Variants in B3GALT1 observed in about 807,000 individuals in gnomAD.
B3GALT1 encodes the protein UDP-Gal:betaGlcNAc beta 1,3-galactosyltransferase, polypeptide 1.
In B3GALT1, 10 loss-of-function variants were observed where a neutral mutation model predicts 23.2. The ratio of observed to expected loss-of-function variants is 0.43; its 90% CI spans 0.27 to 0.73. The LOEUF (loss-of-function observed/expected upper bound fraction) is 0.73. Among genes scored for constraint, B3GALT1 ranks in the 30% least tolerant of loss-of-function variants. The pLI is 0.21. For synonymous variants in B3GALT1, 156 were observed against 141.5 expected, an observed-to-expected ratio of 1.10 and a Z score of -0.73; for missense variants, 299 against 405.4, an observed-to-expected ratio of 0.74 and a Z score of 2.25.
chr2:167,433,006 A>G (rs943479299), intron 1 of B3GALT1, among the ~76,000 whole-genome samples: 1 of 152,220 alleles, frequency 6.6e-6, no homozygotes, highest in African/African-American at 2.4e-5. Flanking sequence ...GGACAAATGT[A>G]TAATGATATG....
intron 1 of B3GALT1, among the ~76,000 whole-genome samples, chr2:167,314,165 C>T (rs1696675220): frequency 6.6e-6 from 1 of 151,884 alleles, no homozygotes; most frequent in Non-Finnish European, 1.5e-5. Flanking sequence ...CTGCTTGGCA[C>T]AGGTTTCCAG....
At chr2:167,559,438 G>C (rs903038507) in intron 2 of B3GALT1, among the ~76,000 whole-genome samples, 1 of 152,222 alleles carries the variant, frequency 6.6e-6, no homozygotes, top group African/African-American at 2.4e-5. Context: ...CACCAGCAAC[G>C]AAACGAAGCT....
chr2:167,690,403 AAAT>A (rs1230372670), intron 3 of B3GALT1, among the ~76,000 whole-genome samples: 2 of 152,092 alleles, frequency 1.3e-5, no homozygotes, highest in Admixed American at 1.3e-4. Context: ...AACATTTAAC[AAAT>A]AATTTTTAAA....
At chr2:167,642,516 C>T (rs1685671306) in intron 2 of B3GALT1, among the ~76,000 whole-genome samples, 1 of 152,134 alleles carries the variant, frequency 6.6e-6, no homozygotes, top group Non-Finnish European at 1.5e-5. Flanking sequence ...TTGAGAGCTC[C>T]ATTCAAATCT....
chr2:167,316,432 C>T (rs548867939), intron 1 of B3GALT1, among the ~76,000 whole-genome samples: 1 of 152,130 alleles, frequency 6.6e-6, no homozygotes, highest in African/African-American at 2.4e-5. Flanking sequence ...GCCATCACAC[C>T]TGCTATCTAA....
intron 1 of B3GALT1, among the ~76,000 whole-genome samples, chr2:167,393,294 T>C (rs959069769): frequency 8.0e-5 from 12 of 150,132 alleles, no homozygotes; most frequent in African/African-American, 2.9e-4. Flanking sequence ...TTTTTAATTA[T>C]ATAGTCACGC....
chr2:167,699,445 A>T (rs985671668), intron 3 of B3GALT1, among the ~76,000 whole-genome samples: 20 of 144,548 alleles, frequency 1.4e-4, no homozygotes, highest in African/African-American at 4.7e-4. Flanking sequence ...TAACCACAAC[A>T]TTACATACTC....
At chr2:167,582,388 G>A (rs1477009869) in intron 2 of B3GALT1, among the ~76,000 whole-genome samples, 1 of 152,130 alleles carries the variant, frequency 6.6e-6, no homozygotes, top group African/African-American at 2.4e-5. Flanking sequence ...CACTGCAGTG[G>A]CATCATAAGT....
chr2:167,298,821 G>GA (rs1344675608), intron 1 of B3GALT1, among the ~76,000 whole-genome samples: 1 of 150,620 alleles, frequency 6.6e-6, no homozygotes, highest in Non-Finnish European at 1.5e-5. Context: ...TCTAGAATGA[G>GA]AAAAAAATGC....
chr2:167,512,593 T>TATATATATATAC (rs1558887802), intron 2 of B3GALT1, among the ~76,000 whole-genome samples: 2 of 81,526 alleles, frequency 2.5e-5, no homozygotes, highest in East Asian at 4.3e-4. Flanking sequence ...TATATATATG[T>TATATATATATAC]GTATATATAT....
chr2:167,680,964 A>G (rs1303305324), intron 3 of B3GALT1, among the ~76,000 whole-genome samples: 1 of 152,234 alleles, frequency 6.6e-6, no homozygotes, highest in Non-Finnish European at 1.5e-5. Context: ...CATTTAAAAA[A>G]TTCTAAAGCT....
At chr2:167,426,400 G>A (rs1397164260) in intron 1 of B3GALT1, among the ~76,000 whole-genome samples, 1 of 151,466 alleles carries the variant, frequency 6.6e-6, no homozygotes, top group Non-Finnish European at 1.5e-5. Context: ...TCTGCCTCGC[G>A]AGTAGCTGGG....
chr2:167,365,918 A>C (rs542867494), intron 1 of B3GALT1, among the ~76,000 whole-genome samples: 1 of 152,204 alleles, frequency 6.6e-6, no homozygotes, highest in Non-Finnish European at 1.5e-5. Context: ...AAGGAAACTG[A>C]ATCTCTGAAT....
intron 1 of B3GALT1, among the ~76,000 whole-genome samples, chr2:167,448,927 C>A (rs954950307): frequency 3.3e-5 from 5 of 152,106 alleles, no homozygotes; most frequent in Non-Finnish European, 7.4e-5. Context: ...GGCTTTATTT[C>A]TGGATTCCCT....
chr2:167,421,378 C>A (rs1698544665), intron 1 of B3GALT1, among the ~76,000 whole-genome samples: 1 of 152,066 alleles, frequency 6.6e-6, no homozygotes, highest in Admixed American at 6.6e-5. Flanking sequence ...TTCTGTATAC[C>A]TGAAGAAGAC....
At chr2:167,610,370 A>G (rs1574166259) in intron 2 of B3GALT1, among the ~76,000 whole-genome samples, 1 of 152,100 alleles carries the variant, frequency 6.6e-6, no homozygotes, top group African/African-American at 2.4e-5. Context: ...ATTGGAAAAC[A>G]TGTTCCTTGT....
At chr2:167,512,728 A>C (rs1048997632) in intron 2 of B3GALT1, among the ~76,000 whole-genome samples, 4 of 146,534 alleles carry the variant, frequency 2.7e-5, no homozygotes, top group African/African-American at 7.5e-5. Context: ...CCTACAGCTC[A>C]TGGGCTCAAA....
rs147335462 is a variant in B3GALT1, at chr2:167,344,258, T to G, written c.-511+50924T>G. On this transcript the variant is annotated intron_variant, in intron 1 of 4. Coordinates refer to ENST00000392690, the MANE Select transcript of B3GALT1 (RefSeq NM_020981.4). Reference sequence around the variant, plus strand: ...TTTCCATATCTTCAGAACAAACTTTTATCTACTCGCCCCCAAAACAAACTC... The same window carrying G: ...TTTCCATATCTTCAGAACAAACTTTGATCTACTCGCCCCCAAAACAAACTC... Among the ~76,000 whole-genome samples, 444 of 152,292 alleles carry G rather than the reference T, an allele frequency of 2.9e-3. 2 individuals are homozygous for G. The highest frequency in any genetic ancestry group is 4.8e-3 in the Non-Finnish European group (325 of 68,022).
intron 2 of B3GALT1, among the ~76,000 whole-genome samples, chr2:167,615,443 G>A (rs1371790064): frequency 6.6e-6 from 1 of 151,972 alleles, no homozygotes; most frequent in Admixed American, 6.6e-5. Flanking sequence ...CAAAATTTCA[G>A]TTAGGACAAG....
Sources: allele counts gnomAD v4.1 joint callset (sites outside exome capture counted in the v4.1 genomes callset), GRCh38; gene constraint gnomAD v4.1.1; transcripts MANE v1.5; gene names NCBI Gene and HGNC (gene_info 2026-07-23, HGNC 2026-07-21).